The following ARL10 variants were observed in gnomAD, a reference collection of about 807,000 sequenced individuals.
The protein encoded by ARL10 is ADP-ribosylation factor-like protein 10.
ARL10 carries 23 observed loss-of-function variants against 26.1 expected under a neutral mutation model. The ratio of observed to expected loss-of-function variants is 0.88; its 90% CI spans 0.63 to 1.25. ARL10 has a LOEUF of 1.25. Among genes scored for constraint, ARL10 ranks in the 50% most tolerant of loss-of-function variants. The probability of loss-of-function intolerance (pLI) is 0.00; values close to 1 mark genes in which losing one functional copy is unlikely to be tolerated. For synonymous variants in ARL10, 138 were observed against 149.1 expected (o/e 0.93, Z 0.54); for missense variants, 300 against 323.6 (o/e 0.93, Z 0.56).
rs1045778998 is a variant in ARL10, at chr5:176,379,744, A to C, written c.*7849A>C. 6.6e-6 allele frequency: 1 copy of C among 152,160 alleles called. No individual in the cohort carries two copies. The highest frequency in any genetic ancestry group is 1.5e-5 in the Non-Finnish European group (1 of 68,024). The allele number at this position is 152,160 out of a possible 1,614,324, so 9.4% of individuals were successfully genotyped here. A position where few individuals can be genotyped will look rare whatever the true frequency, so the allele number is the denominator to read the frequency against. ...TGATTGACCAATCAATTTTTTGTGG[A>C]AAAGCCCTAGGGATTGAATTTAAAA... On this transcript the variant is annotated 3_prime_UTR_variant, in exon 4 of 4. Coordinates refer to ENST00000310389, the MANE Select transcript of ARL10 (RefSeq NM_173664.6).
chr5:176,402,898 C>T (rs1054935230), downstream of ARL10, among the ~76,000 whole-genome samples: 8 of 152,218 alleles, frequency 5.3e-5, no homozygotes, highest in East Asian at 3.9e-4. Context: ...AGAGCCAGCA[C>T]GTGTAAGAAT....
At chr5:176,415,044 T>C in the ARL10 span, among the ~76,000 whole-genome samples, 1 of 152,222 alleles carries the variant, frequency 6.6e-6, no homozygotes, top group Non-Finnish European at 1.5e-5. Flanking sequence ...CAACAGGAAG[T>C]AAAACCTGTT....
chr5:176,389,182 TAA>T (rs1398328100), downstream of ARL10: 42 of 1,092,040 alleles, frequency 3.8e-5, no homozygotes, highest in Non-Finnish European at 5.6e-5. Context: ...GAGGACTCTG[TAA>T]CTAGGAAGAC....
intron 1 of ARL10, chr5:176,386,972 G>A (rs762261344): frequency 1.1e-4 from 162 of 1,421,018 alleles, no homozygotes; most frequent in Non-Finnish European, 1.5e-4. Context: ...ATAGACTCCT[G>A]CTTATCCCAA....
intron 1 of ARL10, among the ~76,000 whole-genome samples, chr5:176,399,711 T>C (rs910013547): frequency 4.0e-5 from 6 of 151,806 alleles, no homozygotes; most frequent in Non-Finnish European, 8.8e-5. Flanking sequence ...CTGGCCAACA[T>C]GGCGAAACCC....
At position 176,376,474 on chromosome 5, in the gene ARL10, C is replaced by T. The variant is rs908885313; in HGVS notation, c.*4579C>T. The T allele has an allele frequency of 2.0e-5, 3 of 151,730 alleles. No homozygotes were observed. The highest frequency in any genetic ancestry group is 4.8e-5 in the African/African-American group (2 of 41,246). The allele number at this position is 151,730 out of a possible 1,614,324, so 9.4% of individuals were successfully genotyped here. A position where few individuals can be genotyped will look rare whatever the true frequency, so the allele number is the denominator to read the frequency against. ...TAATGGAATCGTTTCCTGATTTGAG[C>T]GTTAAGTCACAAACCCAACAGGAAC... On this transcript the variant is annotated 3_prime_UTR_variant, in exon 4 of 4. Transcript: ENST00000310389.
downstream of ARL10, among the ~76,000 whole-genome samples, chr5:176,402,412 T>G (rs753657143): frequency 1.3e-5 from 2 of 152,272 alleles, no homozygotes; most frequent in East Asian, 3.8e-4. Context: ...CCTCTATTCG[T>G]GCACTCTTGC....
chr5:176,397,323 T>C (rs2303668), intron 1 of ARL10, among the ~76,000 whole-genome samples: 30,690 of 116,200 alleles, frequency 0.26, 3,881 homozygotes, highest in Middle Eastern at 0.41. Flanking sequence ...CATGTCCCCA[T>C]AGCCCCTCTC....
chr5:176,396,569 G>C, intron 1 of ARL10: 1 of 1,525,986 alleles, frequency 6.6e-7, no homozygotes, highest in Non-Finnish European at 9.1e-7. Flanking sequence ...TTAGGTGGGG[G>C]AAGGCAGATG....
chr5:176,371,123 C>T (rs1768514395), intron 3 of ARL10, among the ~76,000 whole-genome samples: 1 of 152,168 alleles, frequency 6.6e-6, no homozygotes, highest in African/African-American at 2.4e-5. Flanking sequence ...GCCTGTAATC[C>T]CAGCACTTTG....
rs1048545095 is a variant in ARL10 at position 176,381,310 on chromosome 5, G to A, written c.*9415G>A. 2 of 152,200 alleles carry A rather than the reference G, an allele frequency of 1.3e-5. No homozygotes were observed. The highest frequency in any genetic ancestry group is 2.4e-5 in the African/African-American group (1 of 41,436). The allele number at this position is 152,200 out of a possible 1,614,324, so 9.4% of individuals were successfully genotyped here. A position where few individuals can be genotyped will look rare whatever the true frequency, so the allele number is the denominator to read the frequency against. On this transcript the variant is annotated 3_prime_UTR_variant, in exon 4 of 4. Transcript: ENST00000310389. ...TCACTATGACCTCCAGTTGCTGTGA[G>A]GGGTCAGTGGGCACAATGGGCCCTG...
chr5:176,412,675 G>A, the ARL10 span, among the ~76,000 whole-genome samples: 3 of 152,098 alleles, frequency 2.0e-5, no homozygotes, highest in Non-Finnish European at 2.9e-5. Flanking sequence ...AATAATCCCC[G>A]GGTGACATAA....
downstream of ARL10, among the ~76,000 whole-genome samples, chr5:176,405,037 G>A (rs567637565): frequency 1.8e-4 from 27 of 152,366 alleles, no homozygotes; most frequent in African/African-American, 6.5e-4. Flanking sequence ...ATCACAGGGA[G>A]TTGGGAGGAC....
rs887273769 is a variant in ARL10 at position 176,372,136 on chromosome 5, C to T, written c.*241C>T. The T allele has an allele frequency of 1.5e-5, 20 of 1,337,530 alleles. No homozygotes were observed. Among genetic ancestry groups the T allele is most frequent in the Middle Eastern group, 2.7e-4 (1 of 3,684 alleles). 82.9% of individuals were successfully genotyped at this position (1,337,530 alleles called of 1,614,324 possible). On this transcript the variant is annotated 3_prime_UTR_variant, in exon 4 of 4. Transcript: ENST00000310389. Reference sequence around the variant, plus strand: ...AGAGGGTGGGGAGGATAGTGTCTGGCTCATTCCAGGCTGGAATGTGGATCC... The same window carrying T: ...AGAGGGTGGGGAGGATAGTGTCTGGTTCATTCCAGGCTGGAATGTGGATCC...
At chr5:176,398,310 A>T (rs11956701) in intron 1 of ARL10, among the ~76,000 whole-genome samples, 2 of 151,952 alleles carry the variant, frequency 1.3e-5, no homozygotes, top group Non-Finnish European at 2.9e-5. Context: ...TGATACCCCC[A>T]AAGCAGAAGA....
At chr5:176,410,507 C>T in the ARL10 span, among the ~76,000 whole-genome samples, 5 of 152,170 alleles carry the variant, frequency 3.3e-5, no homozygotes, top group Non-Finnish European at 7.3e-5. Context: ...GCCATTAGTA[C>T]ATTTTATGTT....
chr5:176,383,835 G>A (rs1289220270), downstream of ARL10: 5 of 723,686 alleles, frequency 6.9e-6, no homozygotes, highest in Admixed American at 2.9e-5. Flanking sequence ...GCAAGTGAAC[G>A]TAGCACTTGC....
At chr5:176,383,953 T>C (rs1755621429), downstream of ARL10, 1 of 1,491,352 alleles carries the variant, frequency 6.7e-7, no homozygotes, top group Non-Finnish European at 8.9e-7. Flanking sequence ...AAGTAAAATA[T>C]ATTTGCTTTA....
intron 1 of ARL10, among the ~76,000 whole-genome samples, chr5:176,398,946 G>A (rs549638718): frequency 4.6e-5 from 7 of 151,790 alleles, no homozygotes; most frequent in African/African-American, 9.7e-5. Flanking sequence ...AGGTTCAAGC[G>A]ATTTTCCTAC....
Sources: allele counts gnomAD v4.1 joint callset (sites outside exome capture counted in the v4.1 genomes callset), GRCh38; gene constraint gnomAD v4.1.1; transcripts MANE v1.5; gene names NCBI Gene and HGNC (gene_info 2026-07-23, HGNC 2026-07-21).